SMCHD1: variants seen among roughly 807,000 people sequenced by gnomAD.
The protein encoded by SMCHD1 is structural maintenance of chromosomes flexible hinge domain-containing protein 1.
A neutral mutation model predicts 254.7 loss-of-function variants in SMCHD1; 78 were observed. That is an observed-to-expected ratio of 0.31 (90% CI 0.26 to 0.37). SMCHD1 has a LOEUF of 0.37. SMCHD1 is among the 10% of genes least tolerant of loss of function. The probability of loss-of-function intolerance (pLI) is 1.00; values close to 1 mark genes in which losing one functional copy is unlikely to be tolerated. For synonymous variants in SMCHD1, 766 were observed against 794.9 expected, an observed-to-expected ratio of 0.96 and a Z score of 0.61; for missense variants, 1,840 against 2,408.1, an observed-to-expected ratio of 0.76 and a Z score of 4.94.
chr18:2,704,007 C>T (rs1383325969), intron 13 of SMCHD1, 121 bp downstream of exon 13: 16 of 710,526 alleles, frequency 2.3e-5, no homozygotes, highest in Admixed American at 3.7e-5. Flanking sequence ...CCCATTCTCA[C>T]ATTTCATGAA....
chr18:2,769,940 G>C (rs780941263), intron 38 of SMCHD1, 49 bp from the exon 39 acceptor site: 1 of 1,538,882 alleles, frequency 6.5e-7, no homozygotes, highest in South Asian at 1.2e-5. Flanking sequence ...ACATATTTTA[G>C]AAAAGTCAGT....
chr18:2,713,394 C>T (rs913353768), intron 17 of SMCHD1, among the ~76,000 whole-genome samples: 2 of 152,012 alleles, frequency 1.3e-5, no homozygotes, highest in Non-Finnish European at 2.9e-5. Context: ...GAAGATGTTT[C>T]TAGAACATGT....
intron 13 of SMCHD1, among the ~76,000 whole-genome samples, chr18:2,705,105 C>T (rs1216427108): frequency 2.0e-5 from 3 of 152,070 alleles, no homozygotes; most frequent in Admixed American, 1.3e-4. Flanking sequence ...AGAAAAACAG[C>T]AAGTAGTAAG....
Position 2,768,449 on chromosome 18 carries a change from A to G in SMCHD1, c.4720-1245A>G, listed in dbSNP as rs2075910002. Among the ~76,000 whole-genome samples, 4 of 152,078 alleles carry G rather than the reference A, an allele frequency of 2.6e-5. No individual in the cohort carries two copies. In the South Asian group the frequency reaches 8.3e-4, roughly 31 times the overall value. ...CAGCTTCTTATAAGGGAAATTTGATACTTACCTTTTAAAATAAACTTATAC... is the reference window on the plus strand; with the variant it reads ...CAGCTTCTTATAAGGGAAATTTGATGCTTACCTTTTAAAATAAACTTATAC... On this transcript the variant is annotated intron_variant, in intron 37 of 47. Coordinates refer to ENST00000320876, the MANE Select transcript of SMCHD1 (RefSeq NM_015295.3).
At chr18:2,790,829 T>C (rs895838384) in intron 45 of SMCHD1, among the ~76,000 whole-genome samples, 3 of 152,250 alleles carry the variant, frequency 2.0e-5, no homozygotes, top group South Asian at 4.1e-4. Flanking sequence ...AGAAAAAATA[T>C]TAAGATGAGG....
intron 17 of SMCHD1, among the ~76,000 whole-genome samples, chr18:2,708,974 C>G (rs2074601441): frequency 7.2e-6 from 1 of 139,024 alleles, no homozygotes; most frequent in Non-Finnish European, 1.5e-5. Flanking sequence ...ACCATTACCA[C>G]TATCCATGTA....
intron 19 of SMCHD1, among the ~76,000 whole-genome samples, chr18:2,720,756 A>G (rs2074909162): frequency 6.6e-6 from 1 of 152,072 alleles, no homozygotes; most frequent in South Asian, 2.1e-4. Flanking sequence ...ACACTTTCCT[A>G]TTTTCAGTGA....
chr18:2,675,431 T>A (rs611767), intron 5 of SMCHD1, among the ~76,000 whole-genome samples: 23,318 of 151,742 alleles, frequency 0.15, 5,236 homozygotes, highest in African/African-American at 0.5. Flanking sequence ...TGCCTGGCTA[T>A]TTTTTGTATG....
Position 2,771,636 on chromosome 18 carries a change from A to G in SMCHD1, c.5052+18A>G. 6.8e-7 allele frequency: 1 copy of G among 1,481,430 alleles called. No homozygotes were observed. The highest frequency in any genetic ancestry group is 8.9e-7 in the Non-Finnish European group (1 of 1,119,930). The allele number at this position is 1,481,430 out of a possible 1,614,324, so 91.8% of individuals were successfully genotyped here. On this transcript the variant is annotated intron_variant, in intron 40 of 47. Coordinates refer to ENST00000320876, the MANE Select transcript of SMCHD1 (RefSeq NM_015295.3). ...CACAACAGGTACAGCTTCCAACTAT[A>G]CGTGAAAGATTTTTTATTAAAGTCT...
At chr18:2,661,371 A>G (rs2073247947) in intron 1 of SMCHD1, among the ~76,000 whole-genome samples, 1 of 152,180 alleles carries the variant, frequency 6.6e-6, no homozygotes, top group Non-Finnish European at 1.5e-5. Flanking sequence ...GTCTTAATTG[A>G]ATAATAGTAG....
intron 2 of SMCHD1, 62 bp from the exon 3 acceptor site, chr18:2,666,807 AT>A (rs2073453257): frequency 7.5e-7 from 1 of 1,332,158 alleles, no homozygotes; most frequent in Non-Finnish European, 1.0e-6. Flanking sequence ...TATATTCACA[AT>A]TATAAGTTCA....
Position 2,769,752 on chromosome 18 carries a change from T to A in SMCHD1, c.4778T>A (p.Phe1593Tyr). 6.2e-7 allele frequency: 1 copy of A among 1,603,336 alleles called. No homozygotes were observed. The highest frequency in any genetic ancestry group is 8.5e-7 in the Non-Finnish European group (1 of 1,173,822). Residue 1593 changes from phenylalanine (F) to tyrosine (Y), a missense_variant, in exon 38 of 48, where the codon TTT becomes TAT. Coordinates refer to ENST00000320876, the MANE Select transcript of SMCHD1 (RefSeq NM_015295.3). ...GRDSTEYFIV[F>Y]EPRLPLLSRT... ...GATAGTACTGAATATTTTATTGTATTTGAGCCCCGGCTACCACTTTTATCA... is the reference window on the plus strand; with the variant it reads ...GATAGTACTGAATATTTTATTGTATATGAGCCCCGGCTACCACTTTTATCA...
At chr18:2,685,168 C>T (rs374826940) in intron 5 of SMCHD1, among the ~76,000 whole-genome samples, 5 of 128,662 alleles carry the variant, frequency 3.9e-5, no homozygotes, top group African/African-American at 1.4e-4. Flanking sequence ...GGTGCTATCT[C>T]GGCTCACTGC....
chr18:2,785,495 A>C (rs1049650104), intron 45 of SMCHD1, among the ~76,000 whole-genome samples: 11 of 151,594 alleles, frequency 7.3e-5, no homozygotes, highest in African/African-American at 2.7e-4. Flanking sequence ...AAAAATACAA[A>C]AAAAAAATTA....
intron 47 of SMCHD1, chr18:2,800,666 G>A (rs2076345408): frequency 1.3e-5 from 2 of 152,098 alleles, no homozygotes; most frequent in African/African-American, 2.4e-5. Context: ...AGCAAAACCT[G>A]TGGACCCATG....
chr18:2,737,268 T>A (rs943969971), intron 25 of SMCHD1, among the ~76,000 whole-genome samples: 1 of 152,126 alleles, frequency 6.6e-6, no homozygotes, highest in African/African-American at 2.4e-5. Context: ...AAACTACCTG[T>A]TGGGTACTAT....
chr18:2,761,404 T>C (rs938121613), intron 35 of SMCHD1, among the ~76,000 whole-genome samples: 2 of 152,202 alleles, frequency 1.3e-5, no homozygotes, highest in African/African-American at 4.8e-5. Context: ...ATACACCCCC[T>C]GAATCTAAGA....
chr18:2,784,347 G>A (rs2076206167), intron 44 of SMCHD1, 103 bp from the exon 45 acceptor site: 2 of 1,012,506 alleles, frequency 2.0e-6, no homozygotes, highest in Non-Finnish European at 2.8e-6. Flanking sequence ...AAATACTACT[G>A]TGATCCTGTC....
intron 45 of SMCHD1, among the ~76,000 whole-genome samples, 168 bp from the exon 46 acceptor site, chr18:2,795,781 T>C (rs2076252790): frequency 6.6e-6 from 1 of 152,262 alleles, no homozygotes; most frequent in Admixed American, 6.5e-5. Flanking sequence ...GCTGGGATCT[T>C]AACTATGCTT....
Sources: allele counts gnomAD v4.1 joint callset (sites outside exome capture counted in the v4.1 genomes callset), GRCh38; gene constraint gnomAD v4.1.1; transcripts MANE v1.5; gene names NCBI Gene and HGNC (gene_info 2026-07-23, HGNC 2026-07-21).